Variants in PCBD2 observed in about 807,000 individuals in gnomAD.
PCBD2 encodes pterin-4-alpha-carbinolamine dehydratase 2.
A neutral mutation model predicts 16.4 loss-of-function variants in PCBD2; 12 were observed. The ratio of observed to expected loss-of-function variants is 0.73; its 90% CI spans 0.47 to 1.19. PCBD2 has a LOEUF of 1.19. PCBD2 is among the 50% of genes most tolerant of loss of function. PCBD2 has a pLI of 0.00. For missense variants in PCBD2, 138 were observed against 156.8 expected, an observed-to-expected ratio of 0.88 and a Z score of 0.64; for synonymous variants, 58 against 61.8, an observed-to-expected ratio of 0.94 and a Z score of 0.29.
chr5:134,922,237 C>T (rs1449987796), intron 2 of PCBD2, among the ~76,000 whole-genome samples: 1 of 152,114 alleles, frequency 6.6e-6, no homozygotes, highest in Non-Finnish European at 1.5e-5. Flanking sequence ...GAGATGGGGT[C>T]TTGTTCGGTC....
In PCBD2 at chr5:134,919,806, T is replaced by C. The variant is rs151231928; in HGVS notation, c.216+9340T>C. Among the ~76,000 whole-genome samples, 58 of 152,374 alleles carry C rather than the reference T, an allele frequency of 3.8e-4. No individual in the cohort carries two copies. In the East Asian group the frequency reaches 7.7e-3, roughly 20 times the overall value. On this transcript the variant is annotated intron_variant, in intron 2 of 3. Transcript: ENST00000254908. The stretch of plus-strand genomic sequence containing the variant: ...GCTCATTTCTGTTCTGTTTCTGTTT[T>C]TCGTTAGTATGCCTGCCCACCGCTT...
At chr5:134,945,429 T>C (rs1384399791) in intron 2 of PCBD2, among the ~76,000 whole-genome samples, 1 of 152,084 alleles carries the variant, frequency 6.6e-6, no homozygotes, top group Non-Finnish European at 1.5e-5. Context: ...AACAAACCAT[T>C]TTTCTTTCTT....
intron 2 of PCBD2, chr5:134,924,567 G>T: frequency 2.5e-6 from 1 of 398,822 alleles, no homozygotes; most frequent in Non-Finnish European, 4.4e-6. Context: ...GTATGATTAT[G>T]GGCGTTGATT....
At chr5:134,942,172 G>A (rs796897763) in intron 2 of PCBD2, among the ~76,000 whole-genome samples, 1 of 147,430 alleles carries the variant, frequency 6.8e-6, no homozygotes, top group Non-Finnish European at 1.5e-5. Flanking sequence ...ACTTATTTTT[G>A]CTAAAATTTA....
At chr5:134,941,890 G>A (rs1444620571) in intron 2 of PCBD2, among the ~76,000 whole-genome samples, 2 of 151,842 alleles carry the variant, frequency 1.3e-5, no homozygotes, top group African/African-American at 4.8e-5. Flanking sequence ...AGGCCGGGGC[G>A]GGTGGATCAC....
chr5:134,937,627 C>T (rs182465151), intron 2 of PCBD2, among the ~76,000 whole-genome samples: 3 of 152,308 alleles, frequency 2.0e-5, no homozygotes, highest in East Asian at 1.9e-4. Flanking sequence ...TACACGTTAA[C>T]GGTTTTGAAG....
intron 2 of PCBD2, among the ~76,000 whole-genome samples, chr5:134,916,170 C>T (rs929701252): frequency 2.0e-5 from 3 of 152,020 alleles, no homozygotes; most frequent in African/African-American, 7.3e-5. Context: ...CCTGTGGTCT[C>T]AGTTACATGG....
intron 2 of PCBD2, chr5:134,926,308 G>A (rs545797678): frequency 2.9e-4 from 105 of 357,174 alleles, no homozygotes; most frequent in Non-Finnish European, 4.6e-4. Flanking sequence ...GAATATTGTT[G>A]TGGGGAAGAG....
At chr5:134,940,967 A>G (rs1346563244) in intron 2 of PCBD2, among the ~76,000 whole-genome samples, 2 of 152,000 alleles carry the variant, frequency 1.3e-5, no homozygotes, top group Non-Finnish European at 2.9e-5. Context: ...TAAAAGTACA[A>G]AAATTAGCGT....
Position 134,906,194 on chromosome 5 carries a change from A to ATTTTTTTTTTTTTT in PCBD2, c.84+985_84+998dup, listed in dbSNP as rs1158334317. 5.7e-4 allele frequency among the ~76,000 whole-genome samples: 38 copies of ATTTTTTTTTTTTTT among 66,522 alleles called. 5 individuals are homozygous for ATTTTTTTTTTTTTT. The highest frequency in any genetic ancestry group is 2.5e-3 in the African/African-American group (36 of 14,662). The allele number at this position is 66,522 out of a possible 152,430, so 43.6% of individuals were successfully genotyped here. A position where few individuals can be genotyped will look rare whatever the true frequency, so the allele number is the denominator to read the frequency against. On this transcript the variant is annotated intron_variant, in intron 1 of 3. Transcript: ENST00000254908. ...TGGCCTGAAATTCTTTAATAGAAGAATTTTTTTTTTTTTTTTTTTTTTTTT... is the reference window on the plus strand; with the variant it reads ...TGGCCTGAAATTCTTTAATAGAAGAATTTTTTTTTTTTTTTTTTTTTTTTTTTTTTTTTTTTTTT...
intron 2 of PCBD2, among the ~76,000 whole-genome samples, chr5:134,930,578 TC>T (rs2149535262): frequency 6.6e-6 from 1 of 152,328 alleles, no homozygotes; most frequent in South Asian, 2.1e-4. Flanking sequence ...GTGCCTTTGT[TC>T]TGCATGCAGT....
At chr5:134,943,917 G>A (rs183619646) in intron 2 of PCBD2, among the ~76,000 whole-genome samples, 6 of 152,282 alleles carry the variant, frequency 3.9e-5, no homozygotes, top group Non-Finnish European at 8.8e-5. Flanking sequence ...AAGTGTATCA[G>A]ACCATTTCTT....
chr5:134,926,742 C>A (rs1003318187), intron 2 of PCBD2: 8 of 397,060 alleles, frequency 2.0e-5, no homozygotes, highest in Non-Finnish European at 4.4e-6. Flanking sequence ...AGTGTTTTCT[C>A]GTGTGAATGA....
At chr5:134,914,510 A>G (rs753274988) in intron 2 of PCBD2, among the ~76,000 whole-genome samples, 1 of 152,100 alleles carries the variant, frequency 6.6e-6, no homozygotes, top group Non-Finnish European at 1.5e-5. Flanking sequence ...GTTGGGCTTA[A>G]CAAGGACTGA....
chr5:134,924,800 C>A, intron 2 of PCBD2: 2 of 393,146 alleles, frequency 5.1e-6, no homozygotes, highest in South Asian at 2.6e-4. Flanking sequence ...CAGGCCAGGT[C>A]TAGGAGGAGT....
At chr5:134,929,314 T>G (rs964793358) in intron 2 of PCBD2, among the ~76,000 whole-genome samples, 1 of 146,120 alleles carries the variant, frequency 6.8e-6, no homozygotes, top group Admixed American at 7.0e-5. Flanking sequence ...GCTACTGCAC[T>G]GCAACCTGGG....
chr5:134,936,678 G>A (rs1467369248), intron 2 of PCBD2, among the ~76,000 whole-genome samples: 2 of 152,176 alleles, frequency 1.3e-5, no homozygotes, highest in African/African-American at 4.8e-5. Context: ...ATGTTCTGAA[G>A]GGGACAGGAT....
chr5:134,955,309 G>GT (rs201125597), intron 2 of PCBD2, among the ~76,000 whole-genome samples: 8,498 of 131,026 alleles, frequency 0.065, 471 homozygotes, highest in East Asian at 0.25. Flanking sequence ...AGCAACAATG[G>GT]TTTTTTTTTT....
In PCBD2 at chr5:134,960,613, T is replaced by C. The variant is rs1016119691; in HGVS notation, c.325T>C (p.Cys109Arg). The stretch of plus-strand genomic sequence containing the variant: ...CCAGATAACTCTCACCTCACATGAC[T>C]GTGGTGAACTGACCAAAAAAGATGT... The part of the protein sequence containing the change: ...KVQITLTSHD[C>R]GELTKKDVKL... Residue 109 changes from cysteine (C) to arginine (R), a missense_variant, in exon 4 of 4, where the codon TGT becomes CGT. Cys to Arg is a radical substitution (Grantham distance 180). Transcript: ENST00000254908. 3 of 1,612,842 alleles carry C rather than the reference T, an allele frequency of 1.9e-6. No individual in the cohort carries two copies. In the Admixed American group the frequency reaches 5.0e-5, roughly 27 times the overall value.
Sources: allele counts gnomAD v4.1 joint callset (sites outside exome capture counted in the v4.1 genomes callset), GRCh38; gene constraint gnomAD v4.1.1; transcripts MANE v1.5; gene names NCBI Gene and HGNC (gene_info 2026-07-23, HGNC 2026-07-21).